The following STAT5B variants were observed in gnomAD, a reference collection of about 807,000 sequenced individuals.
STAT5B encodes the protein transcription factor STAT5B.
In STAT5B, 21 loss-of-function variants were observed where a neutral mutation model predicts 107.8. The ratio of observed to expected loss-of-function variants is 0.19; its 90% CI spans 0.14 to 0.28. STAT5B has a LOEUF of 0.28. Ranked by LOEUF, STAT5B falls within the 10% of genes least tolerant of loss-of-function variation. STAT5B has a pLI of 1.00. For missense variants in STAT5B, 565 were observed against 1,008.2 expected (o/e 0.56, Z 5.95); for synonymous variants, 325 against 401.7 (o/e 0.81, Z 2.28).
chr17:42,288,236 G>A, the STAT5B span: 2 of 152,122 alleles, frequency 1.3e-5, no homozygotes, highest in Non-Finnish European at 2.9e-5. This position sits in a 1 kb window ranked among gnomAD's most constrained non-coding sequence, Gnocchi z 4.8. Context: ...CCGGTTCCGG[G>A]ACGCTCCCTG....
intron 12 of STAT5B, among the ~76,000 whole-genome samples, chr17:42,214,897 T>C (rs7217879): frequency 0.014 from 2,066 of 152,224 alleles, 60 homozygotes; most frequent in African/African-American, 0.048. Flanking sequence ...GACTAGAGGC[T>C]GGTGTACCAT....
chr17:42,261,148 T>C (rs1478733985), intron 1 of STAT5B, among the ~76,000 whole-genome samples: 1 of 152,104 alleles, frequency 6.6e-6, no homozygotes, highest in African/African-American at 2.4e-5. Flanking sequence ...ACTCAAGTGG[T>C]CCGCCCACCT....
Position 42,223,393 on chromosome 17 carries a change from A to T in STAT5B, c.539T>A (p.Leu180Gln), listed in dbSNP as rs1031852875. 27 of 1,614,036 alleles carry T rather than the reference A, an allele frequency of 1.7e-5. No individual in the cohort carries two copies. Among genetic ancestry groups the T allele is most frequent in the Non-Finnish European group, 2.3e-5 (27 of 1,180,036 alleles). ...EYFIIQYQES[L>Q]RIQAQFGPLA... Reference sequence around the variant, plus strand: ...CCACCGCGCCTCACCTTGGATCCTCAGGCTCTCCTGGTACTGGATGATGAA... The same window carrying T: ...CCACCGCGCCTCACCTTGGATCCTCTGGCTCTCCTGGTACTGGATGATGAA... Residue 180 changes from leucine (L) to glutamine (Q), a missense_variant, in exon 5 of 19, where the codon CTG becomes CAG. Physicochemically the swap from Leu to Gln is moderately radical, Grantham distance 113 (BLOSUM62 -2). Around this residue, in one of 11 missense-constraint regions of STAT5B, gnomAD observed 56 missense variants for 104.5 expected, o/e 0.54. Transcript: ENST00000293328.
At position 42,201,023 on chromosome 17, in the gene STAT5B, A is replaced by G. The variant is rs1287762366; in HGVS notation, c.*715T>C. On this transcript the variant is annotated 3_prime_UTR_variant, in exon 19 of 19. Transcript: ENST00000293328. The stretch of plus-strand genomic sequence containing the variant: ...GCACACCCAGAGGAACTGAGTGGCA[A>G]TTCCAGGGTGCGGGCGGGCAGGAGG... 7.5e-6 allele frequency: 3 copies of G among 401,240 alleles called. No individual in the cohort carries two copies. The highest frequency in any genetic ancestry group is 1.3e-5 in the Non-Finnish European group (3 of 227,826). The allele number at this position is 401,240 out of a possible 1,614,324, so 24.9% of individuals were successfully genotyped here.
intron 6 of STAT5B, 123 bp from the exon 7 acceptor site, chr17:42,219,586 C>T (rs1567660088): frequency 1.1e-5 from 14 of 1,231,330 alleles, no homozygotes; most frequent in South Asian, 2.9e-5. Flanking sequence ...CCTCGCAAGG[C>T]CCCCAGGAAA....
the STAT5B span, among the ~76,000 whole-genome samples, chr17:42,282,464 C>T: frequency 6.6e-6 from 1 of 152,194 alleles, no homozygotes; most frequent in Non-Finnish European, 1.5e-5. Flanking sequence ...GCTGGGATTA[C>T]AGGCATCTGC....
intron 1 of STAT5B, among the ~76,000 whole-genome samples, chr17:42,248,097 T>C (rs1294993568): frequency 6.6e-6 from 1 of 151,764 alleles, no homozygotes; most frequent in African/African-American, 2.4e-5. Flanking sequence ...GGCGACATAG[T>C]GAGACTCCAT....
chr17:42,251,239 G>A (rs2080496996), intron 1 of STAT5B, among the ~76,000 whole-genome samples: 1 of 152,008 alleles, frequency 6.6e-6, no homozygotes, highest in Non-Finnish European at 1.5e-5. Context: ...AAAGTGAGTG[G>A]GAGGAGAATA....
chr17:42,245,582 G>A lies in STAT5B; in HGVS notation c.-10-13445C>T, dbSNP rs568963723. Among the ~76,000 whole-genome samples the A allele has an allele frequency of 6.6e-5, 10 of 151,722 alleles. No homozygotes were observed. In the South Asian group the frequency reaches 1.9e-3, roughly 28 times the overall value. ...TTATTGCCCAGGCTGGAGTGTAATG[G>A]CGCGATCTTGGCTCACTGCAACCTC... On this transcript the variant is annotated intron_variant, in intron 1 of 18. Coordinates refer to ENST00000293328, the MANE Select transcript of STAT5B (RefSeq NM_012448.4).
chr17:42,237,534 T>A (rs1000896790), intron 1 of STAT5B, among the ~76,000 whole-genome samples: 2 of 152,084 alleles, frequency 1.3e-5, no homozygotes, highest in African/African-American at 2.4e-5. Flanking sequence ...GAAGGCCCAC[T>A]GTGTATCTGC....
intron 1 of STAT5B, among the ~76,000 whole-genome samples, chr17:42,267,413 T>C (rs2080682741): frequency 6.6e-6 from 1 of 152,132 alleles, no homozygotes; most frequent in Non-Finnish European, 1.5e-5. Flanking sequence ...GATGTGGAGG[T>C]GCAAGACAGT....
intron 3 of STAT5B, among the ~76,000 whole-genome samples, chr17:42,227,187 G>A (rs2080280921): frequency 1.4e-5 from 1 of 74,020 alleles, no homozygotes; most frequent in Non-Finnish European, 3.0e-5. Flanking sequence ...AATGCACAGA[G>A]GTACTTACTG....
At chr17:42,224,727 T>G in intron 4 of STAT5B, 52 bp downstream of exon 4, 1 of 1,578,558 alleles carries the variant, frequency 6.3e-7, no homozygotes. Flanking sequence ...CAGAGGGAGG[T>G]GGGTAAGAAA....
the STAT5B span, among the ~76,000 whole-genome samples, chr17:42,286,187 C>T: frequency 2.1e-5 from 3 of 144,800 alleles, no homozygotes; most frequent in Admixed American, 7.0e-5. Flanking sequence ...GAGCCAAGAT[C>T]GCGCCATTGC....
chr17:42,264,477 G>A (rs1165347688), intron 1 of STAT5B, among the ~76,000 whole-genome samples: 1 of 150,928 alleles, frequency 6.6e-6, no homozygotes, highest in Non-Finnish European at 1.5e-5. Context: ...TTGTTCTTGC[G>A]ATAGTTTACT....
chr17:42,239,016 G>C (rs571236509), intron 1 of STAT5B, among the ~76,000 whole-genome samples: 88 of 151,550 alleles, frequency 5.8e-4, no homozygotes, highest in African/African-American at 2.1e-3. Flanking sequence ...CTGGGAGGCC[G>C]AGGTGGGTGG....
chr17:42,286,508 A>G, the STAT5B span, among the ~76,000 whole-genome samples: 1,232 of 152,244 alleles, frequency 8.1e-3, 18 homozygotes, highest in African/African-American at 0.029. Context: ...CAACCAAGAC[A>G]GATGTTTGGT....
At chr17:42,242,928 A>G (rs976460578) in intron 1 of STAT5B, among the ~76,000 whole-genome samples, 5 of 152,022 alleles carry the variant, frequency 3.3e-5, no homozygotes, top group Admixed American at 6.6e-5. Flanking sequence ...TGAAGGCAGC[A>G]TGCTCCTTAA....
intron 1 of STAT5B, among the ~76,000 whole-genome samples, chr17:42,251,766 A>ATG (rs2080501598): frequency 6.6e-6 from 1 of 152,152 alleles, no homozygotes; most frequent in Non-Finnish European, 1.5e-5. Context: ...TTGGGAGGCC[A>ATG]AGGTAGGCGA....
Sources: gnomAD v4.1 joint callset for allele counts (sites outside exome capture counted in the v4.1 genomes callset) on GRCh38, gnomAD v4.1.1 for gene constraint, gnomAD v4.1.1 regional missense constraint, Gnocchi (gnomAD v3.1) non-coding constraint, MANE v1.5 for transcripts, NCBI Gene and HGNC (gene_info 2026-07-23, HGNC 2026-07-21) for gene names.